Variants in AVIL observed in about 807,000 individuals in gnomAD.
The protein encoded by AVIL is advillin.
AVIL carries 78 observed loss-of-function variants against 109.9 expected under a neutral mutation model. That is an observed-to-expected ratio of 0.71 (90% CI 0.59 to 0.86). The LOEUF is 0.86. Among genes scored for constraint, AVIL ranks in the 40% least tolerant of loss-of-function variants. AVIL has a pLI of 0.00. For synonymous variants in AVIL, 367 were observed against 379.1 expected, an observed-to-expected ratio of 0.97 and a Z score of 0.37; for missense variants, 892 against 1,016.5, an observed-to-expected ratio of 0.88 and a Z score of 1.67.
chr12:57,814,451 A>G lies in AVIL; in HGVS notation c.67-225T>C, dbSNP rs1160431676. The G allele has an allele frequency of 7.5e-6, 4 of 534,436 alleles. No homozygotes were observed. The African/African-American group carries it at 7.6e-5, about 10-fold the overall frequency. The allele number at this position is 534,436 out of a possible 1,614,324, so 33.1% of individuals were successfully genotyped here. ...ACCCCGGATCTGAACCTTGGTCCCT[A>G]TCCTGCTTTCCCTTGCCCTATTCTC... On this transcript the variant is annotated intron_variant, in intron 2 of 19. Transcript: ENST00000549994.
chr12:57,797,765 A>G lies in AVIL; in HGVS notation c.*117T>C, dbSNP rs989266249. 1.2e-6 allele frequency: 1 copy of G among 861,060 alleles called. No homozygotes were observed. The allele number at this position is 861,060 out of a possible 1,614,324, so 53.3% of individuals were successfully genotyped here. A position where few individuals can be genotyped will look rare whatever the true frequency, so the allele number is the denominator to read the frequency against. ...GAACATGCCGTGATTTGCAGACTCT[A>G]TTATATCTAAATTAAGTAGCTGAAT... is the stretch of plus-strand genomic sequence containing the variant. On this transcript the variant is annotated 3_prime_UTR_variant, in exon 20 of 20. Transcript: ENST00000549994.
intron 18 of AVIL, 37 bp from the exon 19 acceptor site, chr12:57,799,957 T>C: frequency 6.2e-7 from 1 of 1,611,606 alleles, no homozygotes; most frequent in Non-Finnish European, 8.5e-7. Flanking sequence ...GGGAAAAGAC[T>C]CCTCAGTGTC....
At position 57,818,182 on chromosome 12, in the gene AVIL, C is replaced by CTTTTTTTTTTTT. The variant is rs66731427; in HGVS notation, c.-20+435_-20+446dup. Among the ~76,000 whole-genome samples, 118 of 35,276 alleles carry CTTTTTTTTTTTT rather than the reference C, an allele frequency of 3.3e-3. 33 individuals are homozygous for CTTTTTTTTTTTT. The highest frequency in any genetic ancestry group is 0.011 in the East Asian group (6 of 560). The allele number at this position is 35,276 out of a possible 152,430, so 23.1% of individuals were successfully genotyped here. ...CACAGGTGTGCACCACCATGCTTGGCTTTTTTTTTTTTTTTTTTTTTTTTT... is the reference window on the plus strand; with the variant it reads ...CACAGGTGTGCACCACCATGCTTGGCTTTTTTTTTTTTTTTTTTTTTTTTTTTTTTTTTTTTT... On this transcript the variant is annotated intron_variant, in intron 1 of 19. Transcript: ENST00000549994.
chr12:57,813,108 G>A, intron 4 of AVIL, 119 bp downstream of exon 4: 1 of 1,279,612 alleles, frequency 7.8e-7, no homozygotes, highest in Non-Finnish European at 1.1e-6. Flanking sequence ...GGGTGGAAGT[G>A]ACAGCTTTGT....
Position 57,797,907 on chromosome 12 carries a change from A to T in AVIL, c.2435T>A (p.Met812Lys). The change falls in exon 20 of 20, where the codon ATG becomes AAG. Residue 812 changes from methionine (M) to lysine (K), a missense_variant. Met to Lys is a moderately conservative substitution (Grantham distance 95). Transcript: ENST00000549994. ...AALPGWKQLQ[M>K]KKEKGLF The stretch of plus-strand genomic sequence containing the variant: ...TTAGAAAAGCCCCTTTTCTTTCTTC[A>T]TTTGGAGCTGTTTCCAGCCAGGCAG... The T allele has an allele frequency of 6.2e-7, 1 of 1,612,242 alleles. No homozygotes were observed. The highest frequency in any genetic ancestry group is 8.5e-7 in the Non-Finnish European group (1 of 1,179,046).
At chr12:57,815,902 C>T in intron 2 of AVIL, 73 bp downstream of exon 2, 1 of 1,607,074 alleles carries the variant, frequency 6.2e-7, no homozygotes, top group Non-Finnish European at 8.5e-7. Flanking sequence ...GGGCTGTTGC[C>T]TAGCAGCCCC....
intron 14 of AVIL, among the ~76,000 whole-genome samples, chr12:57,804,885 A>G (rs1237122472): frequency 6.6e-6 from 1 of 152,014 alleles, no homozygotes; most frequent in Non-Finnish European, 1.5e-5. Flanking sequence ...CCTGCCAACA[A>G]TGCATGAAAA....
At chr12:57,815,585 C>T (rs956312632) in intron 2 of AVIL, 3 of 1,263,014 alleles carry the variant, frequency 2.4e-6, no homozygotes, top group Non-Finnish European at 2.0e-6. Context: ...CACCTCTCCC[C>T]ATATTTTGTA....
chr12:57,818,212 T>A (rs980087398), intron 1 of AVIL, among the ~76,000 whole-genome samples: 264 of 118,960 alleles, frequency 2.2e-3, no homozygotes, highest in Non-Finnish European at 3.7e-3. Flanking sequence ...TTTTTTTTTT[T>A]TGTAGAGACA....
chr12:57,798,151 C>T (rs1955773514), intron 19 of AVIL, among the ~76,000 whole-genome samples, 156 bp from the exon 20 acceptor site: 1 of 152,166 alleles, frequency 6.6e-6, no homozygotes, highest in Non-Finnish European at 1.5e-5. Flanking sequence ...TTAAATTATT[C>T]ATTGGAGAGG....
Position 57,813,021 on chromosome 12 carries a change from A to C in AVIL, c.338+206T>G, listed in dbSNP as rs1366106443. ...TGCGCTAGTCCACACTTCCATCAGC[A>C]GGGCACAAGGGCTCCTATTTCCCCA... On this transcript the variant is annotated intron_variant, in intron 4 of 19. Transcript: ENST00000549994. 3.3e-5 allele frequency among the ~76,000 whole-genome samples: 5 copies of C among 152,210 alleles called. No individual in the cohort carries two copies. The East Asian group carries it at 9.6e-4, about 29-fold the overall frequency.
chr12:57,818,184 T>TTTTTC (rs1956120753), intron 1 of AVIL, among the ~76,000 whole-genome samples: 2 of 21,028 alleles, frequency 9.5e-5, no homozygotes, highest in African/African-American at 4.3e-4. Context: ...ATGCTTGGCT[T>TTTTTC]TTTTTTTTTT....
chr12:57,814,092 T>C, intron 3 of AVIL, 60 bp downstream of exon 3: 1 of 1,571,146 alleles, frequency 6.4e-7, no homozygotes, highest in Non-Finnish European at 8.7e-7. Flanking sequence ...CATCTCCCAG[T>C]ACAGCCCAAG....
At chr12:57,811,163 C>T (rs1344599236) in intron 4 of AVIL, 36 bp from the exon 5 acceptor site, 2 of 1,598,248 alleles carry the variant, frequency 1.3e-6, no homozygotes, top group Non-Finnish European at 8.6e-7. Flanking sequence ...TGAGTGCCTG[C>T]TATGTGCTAG....
intron 11 of AVIL, 198 bp from the exon 12 acceptor site, chr12:57,807,925 A>G: frequency 1.2e-6 from 1 of 865,054 alleles, no homozygotes; most frequent in South Asian, 1.4e-5. Context: ...CATCCTGTTC[A>G]GGAGCATCCC....
rs1956019684 is a variant in AVIL at position 57,810,364 on chromosome 12, G to A, written c.746C>T (p.Thr249Ile). 1 of 1,614,186 alleles carries A rather than the reference G, an allele frequency of 6.2e-7. No homozygotes were observed. Among genetic ancestry groups the A allele is most frequent in the East Asian group, 2.2e-5 (1 of 44,880 alleles). Residue 249 changes from threonine to isoleucine, a missense_variant, in exon 7 of 20, where the codon ACT becomes ATT. Transcript: ENST00000549994. ...AGCTACTCACTGATACAACATGATA[G>A]TTGATTTCTGCTTCTGATCTATGAT... ...DEIIDQKQKS[T>I]IMLYHISDSA...
At chr12:57,815,528 C>G (rs1176413120) in intron 2 of AVIL, 1 of 1,189,402 alleles carries the variant, frequency 8.4e-7, no homozygotes. Flanking sequence ...GGTCCCAAGC[C>G]CAAGAGGAGA....
intron 2 of AVIL, 153 bp downstream of exon 2, chr12:57,815,822 G>T: frequency 6.6e-7 from 1 of 1,519,066 alleles, no homozygotes. Flanking sequence ...CAGGAGAGGT[G>T]AAGGATGGGA....
At position 57,813,381 on chromosome 12, in the gene AVIL, A is replaced by G. The variant is rs575233945; in HGVS notation, c.184T>C (p.Trp62Arg). ...ASLLSQDIHF[W>R]IGKDSSQDEQ... ...TCCTGGGAGGAGTCCTTCCCGATCC[A>G]GAAGTGGATGTCCTGGGATAGGAGA... Residue 62 changes from tryptophan (W) to arginine (R), a missense_variant, in exon 4 of 20, where the codon TGG becomes CGG. Trp to Arg is a moderately radical substitution (Grantham distance 101). Coordinates refer to ENST00000549994, the MANE Select transcript of AVIL (RefSeq NM_006576.4). The G allele has an allele frequency of 4.3e-6, 7 of 1,614,156 alleles. No individual in the cohort carries two copies. The South Asian group carries it at 7.7e-5, about 18-fold the overall frequency.
Sources: gnomAD v4.1 joint callset for allele counts (sites outside exome capture counted in the v4.1 genomes callset) on GRCh38, gnomAD v4.1.1 for gene constraint, MANE v1.5 for transcripts, NCBI Gene and HGNC (gene_info 2026-07-23, HGNC 2026-07-21) for gene names.